The following STON2 variants were observed in gnomAD, a reference collection of about 807,000 sequenced individuals.
STON2 encodes the protein stonin 2.
A neutral mutation model predicts 65.7 loss-of-function variants in STON2; 29 were observed. That is an observed-to-expected ratio of 0.44 (90% confidence interval 0.33 to 0.60). STON2 has a LOEUF of 0.60. Ranked by LOEUF, STON2 falls within the 20% of genes least tolerant of loss-of-function variation. STON2 has a pLI of 0.03. For synonymous variants in STON2, 404 were observed against 414.2 expected, an observed-to-expected ratio of 0.98 and a Z score of 0.30; for missense variants, 1,054 against 1,118.1, an observed-to-expected ratio of 0.94 and a Z score of 0.82.
chr14:81,266,026 T>A lies in STON2; in HGVS notation c.*2388A>T, dbSNP rs1054292634. The A allele has an allele frequency of 6.1e-6, 6 of 985,304 alleles. No individual in the cohort carries two copies. The African/African-American group carries it at 1.0e-4, about 17-fold the overall frequency. 61.0% of individuals were successfully genotyped at this position (985,304 alleles called of 1,614,324 possible). A position where few individuals can be genotyped will look rare whatever the true frequency, so the allele number is the denominator to read the frequency against. On this transcript the variant is annotated 3_prime_UTR_variant, in exon 8 of 8. Transcript: ENST00000614646. Reference sequence around the variant, plus strand: ...GGAAGAGATATGCGTTGAAATTCCTTGACAAAAACCTCAAAGGAACTCCAC... The same window carrying A: ...GGAAGAGATATGCGTTGAAATTCCTAGACAAAAACCTCAAAGGAACTCCAC...
intron 5 of STON2, among the ~76,000 whole-genome samples, chr14:81,298,165 T>C (rs1238129876): frequency 6.6e-6 from 1 of 152,200 alleles, no homozygotes; most frequent in Non-Finnish European, 1.5e-5. Flanking sequence ...GAGCTCCTTG[T>C]GGGGGCTCTA....
intron 4 of STON2, among the ~76,000 whole-genome samples, chr14:81,354,395 G>A (rs1376504676): frequency 6.6e-6 from 1 of 152,154 alleles, no homozygotes; most frequent in South Asian, 2.1e-4. Flanking sequence ...AAGAACACCT[G>A]TAACAGCCAG....
In STON2 at chr14:81,262,812, T is replaced by A. The variant is rs1056587863; in HGVS notation, c.*5602A>T. The A allele has an allele frequency of 1.0e-6, 1 of 985,272 alleles. No individual in the cohort carries two copies. Among genetic ancestry groups the A allele is most frequent in the African/African-American group, 1.7e-5 (1 of 57,250 alleles). The allele number at this position is 985,272 out of a possible 1,614,324, so 61.0% of individuals were successfully genotyped here. On this transcript the variant is annotated 3_prime_UTR_variant, in exon 8 of 8. Transcript: ENST00000614646. ...TTGTTCTAGTTAATACATGGGAGAATATTACTAATACATACATTTGTTTTC... is the reference window on the plus strand; with the variant it reads ...TTGTTCTAGTTAATACATGGGAGAAAATTACTAATACATACATTTGTTTTC...
At chr14:81,321,935 G>A (rs1896835317) in intron 5 of STON2, among the ~76,000 whole-genome samples, 1 of 152,220 alleles carries the variant, frequency 6.6e-6, no homozygotes. Flanking sequence ...AAAGTTGCCA[G>A]GTGGAGGTTA....
At chr14:81,299,860 C>T (rs1286970973) in intron 5 of STON2, among the ~76,000 whole-genome samples, 2 of 147,612 alleles carry the variant, frequency 1.4e-5, no homozygotes, top group Non-Finnish European at 3.0e-5. Flanking sequence ...TTTGAAAACT[C>T]AAAATTGTTA....
Position 81,262,647 on chromosome 14 carries a change from T to A in STON2, c.*5767A>T. ...TCTCTCCAGGCACTACCAAACTCAT[T>A]ACTGTGGATAGTTTCTGCCTTTACA... On this transcript the variant is annotated 3_prime_UTR_variant, in exon 8 of 8. Transcript: ENST00000614646. 1 of 985,262 alleles carries A rather than the reference T, an allele frequency of 1.0e-6. No homozygotes were observed. Among genetic ancestry groups the A allele is most frequent in the Non-Finnish European group, 1.2e-6 (1 of 829,868 alleles). 61.0% of individuals were successfully genotyped at this position (985,262 alleles called of 1,614,324 possible).
intron 6 of STON2, among the ~76,000 whole-genome samples, chr14:81,275,928 A>G (rs1229889826): frequency 6.6e-6 from 1 of 152,254 alleles, no homozygotes; most frequent in African/African-American, 2.4e-5. Flanking sequence ...CACATAAGAG[A>G]AAGCCATTTC....
At chr14:81,432,953 G>C (rs1450099154) in intron 1 of STON2, among the ~76,000 whole-genome samples, 1 of 152,210 alleles carries the variant, frequency 6.6e-6, no homozygotes, top group Non-Finnish European at 1.5e-5. Flanking sequence ...GGTTTTCAAA[G>C]GGTGGGACCA....
At chr14:81,332,495 G>A (rs913943643) in intron 4 of STON2, among the ~76,000 whole-genome samples, 5 of 152,184 alleles carry the variant, frequency 3.3e-5, no homozygotes, top group Non-Finnish European at 7.3e-5. Context: ...TTCCTGGGAA[G>A]AAGGCATTAT....
chr14:81,265,866 G>A lies in STON2; in HGVS notation c.*2548C>T. 1.0e-6 allele frequency: 1 copy of A among 985,296 alleles called. No individual in the cohort carries two copies. 61.0% of individuals were successfully genotyped at this position (985,296 alleles called of 1,614,324 possible). A position where few individuals can be genotyped will look rare whatever the true frequency, so the allele number is the denominator to read the frequency against. Reference sequence around the variant, plus strand: ...TCCACATGTTATGCTAGCAGATGAGGCAGAGATCTTGACAGAGTGCTAAGC... The same window carrying A: ...TCCACATGTTATGCTAGCAGATGAGACAGAGATCTTGACAGAGTGCTAAGC... On this transcript the variant is annotated 3_prime_UTR_variant, in exon 8 of 8. Transcript: ENST00000614646.
chr14:81,266,014 G>A lies in STON2; in HGVS notation c.*2400C>T, dbSNP rs557203393. 1.8e-3 allele frequency: 1,739 copies of A among 985,356 alleles called. 3 individuals carry two copies. Among genetic ancestry groups the A allele is most frequent in the Admixed American group, 2.1e-3 (35 of 16,286 alleles). 61.0% of individuals were successfully genotyped at this position (985,356 alleles called of 1,614,324 possible). A position where few individuals can be genotyped will look rare whatever the true frequency, so the allele number is the denominator to read the frequency against. Reference sequence around the variant, plus strand: ...CAGTACAACAGGGGAAGAGATATGCGTTGAAATTCCTTGACAAAAACCTCA... The same window carrying A: ...CAGTACAACAGGGGAAGAGATATGCATTGAAATTCCTTGACAAAAACCTCA... On this transcript the variant is annotated 3_prime_UTR_variant, in exon 8 of 8. Transcript: ENST00000614646.
intron 3 of STON2, among the ~76,000 whole-genome samples, chr14:81,390,298 T>C (rs1900019803): frequency 6.6e-6 from 1 of 152,178 alleles, no homozygotes. Context: ...TCTGGTTTGC[T>C]ACTAGAGGAT....
intron 1 of STON2, among the ~76,000 whole-genome samples, chr14:81,435,690 C>T (rs767433148): frequency 2.3e-4 from 35 of 148,996 alleles, no homozygotes; most frequent in Non-Finnish European, 3.5e-4. Context: ...CGCACGAATG[C>T]ACACACACGC....
intron 4 of STON2, among the ~76,000 whole-genome samples, chr14:81,356,053 G>C (rs1398772489): frequency 1.3e-5 from 2 of 152,146 alleles, no homozygotes; most frequent in African/African-American, 2.4e-5. Context: ...TGTTGAATAG[G>C]AGTGGTGAGA....
intron 6 of STON2, among the ~76,000 whole-genome samples, chr14:81,274,280 C>T (rs1894717319): frequency 6.6e-6 from 1 of 152,168 alleles, no homozygotes; most frequent in Non-Finnish European, 1.5e-5. Flanking sequence ...TGGGGCAAGG[C>T]TGTGAGGATT....
At chr14:81,392,547 T>A (rs954151793) in intron 3 of STON2, among the ~76,000 whole-genome samples, 1 of 152,190 alleles carries the variant, frequency 6.6e-6, no homozygotes, top group Non-Finnish European at 1.5e-5. Flanking sequence ...GTGGGCCAAG[T>A]GTAGCATAGT....
At position 81,261,874 on chromosome 14, in the gene STON2, C is replaced by T; in HGVS notation, c.*6540G>A. 1 of 1,529,492 alleles carries T rather than the reference C, an allele frequency of 6.5e-7. No homozygotes were observed. 94.7% of individuals were successfully genotyped at this position (1,529,492 alleles called of 1,614,324 possible). Reference sequence around the variant, plus strand: ...ACCCTCTTTGATCCTCTTTTTAAATCTGTGTGTGGAAGGCAACTGCAATAT... The same window carrying T: ...ACCCTCTTTGATCCTCTTTTTAAATTTGTGTGTGGAAGGCAACTGCAATAT... On this transcript the variant is annotated 3_prime_UTR_variant, in exon 8 of 8. Transcript: ENST00000614646.
chr14:81,295,683 G>C (rs767692726), intron 5 of STON2, among the ~76,000 whole-genome samples: 1 of 152,120 alleles, frequency 6.6e-6, no homozygotes, highest in Non-Finnish European at 1.5e-5. Context: ...CAATGAAAAC[G>C]ACTCAAGATT....
At chr14:81,386,933 T>C (rs1899835582) in intron 3 of STON2, among the ~76,000 whole-genome samples, 1 of 152,192 alleles carries the variant, frequency 6.6e-6, no homozygotes, top group Admixed American at 6.5e-5. Context: ...TATAAAGATT[T>C]TGGATGATAG....
Sources: gnomAD v4.1 joint callset for allele counts (sites outside exome capture counted in the v4.1 genomes callset) on GRCh38, gnomAD v4.1.1 for gene constraint, MANE v1.5 for transcripts, NCBI Gene and HGNC (gene_info 2026-07-23, HGNC 2026-07-21) for gene names.